APLF: variants seen among roughly 807,000 people sequenced by gnomAD.
APLF encodes the protein aprataxin and PNK-like factor.
In APLF, 61 loss-of-function variants were observed where a neutral mutation model predicts 55.6. That is an observed-to-expected ratio of 1.10 (90% CI 0.89 to 1.36). The LOEUF is 1.36. Among genes scored for constraint, APLF ranks in the 40% most tolerant of loss-of-function variants. The pLI is 0.00. For missense variants in APLF, 611 were observed against 602.5 expected (o/e 1.01, Z -0.15); for synonymous variants, 207 against 214.8 (o/e 0.96, Z 0.32).
At chr2:68,495,296 A>G (rs1676507825) in intron 2 of APLF, among the ~76,000 whole-genome samples, 1 of 152,210 alleles carries the variant, frequency 6.6e-6, no homozygotes, top group South Asian at 2.1e-4. Context: ...ATCAAAAGTT[A>G]TTTACTTCTA....
At chr2:68,482,604 C>T (rs1257351602) in intron 1 of APLF, among the ~76,000 whole-genome samples, 1 of 152,114 alleles carries the variant, frequency 6.6e-6, no homozygotes, top group Non-Finnish European at 1.5e-5. Context: ...GGCTGTTTAT[C>T]AGACTTAGGG....
At chr2:68,564,497 T>C (rs1671245420) in intron 8 of APLF, among the ~76,000 whole-genome samples, 1 of 152,096 alleles carries the variant, frequency 6.6e-6, no homozygotes, top group Non-Finnish European at 1.5e-5. Context: ...TGGCATGTAA[T>C]AAGTATTCTG....
chr2:68,545,513 G>A (rs767065479), intron 8 of APLF, among the ~76,000 whole-genome samples: 1 of 152,040 alleles, frequency 6.6e-6, no homozygotes, highest in Admixed American at 6.5e-5. Flanking sequence ...ACACATCTAC[G>A]AGTGCCTGAA....
rs1242886187 is a variant in APLF, at chr2:68,579,526, G to A, written c.*1504G>A. ...AAGCATTATTCTTAACAGCCAAAAA[G>A]TATAAACACCCAAAGTCTATCAACT... On this transcript the variant is annotated 3_prime_UTR_variant, in exon 10 of 10. Transcript: ENST00000303795. 1.6e-5 allele frequency: 8 copies of A among 487,994 alleles called. No homozygotes were observed. The highest frequency in any genetic ancestry group is 1.5e-4 in the East Asian group (1 of 6,558). The allele number at this position is 487,994 out of a possible 1,614,324, so 30.2% of individuals were successfully genotyped here.
At chr2:68,499,476 A>G (rs952502846) in intron 2 of APLF, among the ~76,000 whole-genome samples, 1 of 152,206 alleles carries the variant, frequency 6.6e-6, no homozygotes, top group Non-Finnish European at 1.5e-5. Context: ...AGGGATTGAA[A>G]AGATTTTTAA....
chr2:68,563,022 A>G (rs1054597389), intron 8 of APLF: 17 of 977,448 alleles, frequency 1.7e-5, no homozygotes, highest in Admixed American at 1.2e-4. Context: ...TGAGCCTGTC[A>G]TAGATACTCT....
chr2:68,490,149 G>A, intron 1 of APLF, 41 bp from the exon 2 acceptor site: 1 of 1,451,650 alleles, frequency 6.9e-7, no homozygotes, highest in Non-Finnish European at 9.3e-7. Context: ...GCTTTTTAAG[G>A]AGGTGGCTAT....
intron 8 of APLF, among the ~76,000 whole-genome samples, chr2:68,559,392 G>T (rs1485330316): frequency 1.3e-5 from 2 of 151,938 alleles, no homozygotes; most frequent in Non-Finnish European, 2.9e-5. Flanking sequence ...TTTCTTAGGC[G>T]AGCTAATTCA....
chr2:68,472,130 A>G (rs915799177), intron 1 of APLF, among the ~76,000 whole-genome samples: 5 of 152,208 alleles, frequency 3.3e-5, no homozygotes, highest in Non-Finnish European at 7.3e-5. Flanking sequence ...GATTGTGGAG[A>G]CGAAGTTTTA....
intron 1 of APLF, among the ~76,000 whole-genome samples, chr2:68,482,094 CT>C (rs36118159): frequency 0.15 from 20,686 of 140,354 alleles, 2,964 homozygotes; most frequent in African/African-American, 0.39. Flanking sequence ...TTATAAATTT[CT>C]TTTTTTTTTT....
At chr2:68,564,855 G>A (rs1340534521) in intron 8 of APLF, among the ~76,000 whole-genome samples, 2 of 152,064 alleles carry the variant, frequency 1.3e-5, no homozygotes, top group African/African-American at 4.8e-5. Flanking sequence ...AGGATTAATT[G>A]TAATTAATCT....
intron 6 of APLF, among the ~76,000 whole-genome samples, chr2:68,533,860 G>A (rs1008387843): frequency 6.6e-6 from 1 of 152,186 alleles, no homozygotes; most frequent in Admixed American, 6.5e-5. Flanking sequence ...GTCTCATAGG[G>A]TGAAGACAGC....
chr2:68,485,201 T>A (rs564542916), intron 1 of APLF, among the ~76,000 whole-genome samples: 28 of 152,072 alleles, frequency 1.8e-4, no homozygotes, highest in South Asian at 1.0e-3. Flanking sequence ...TGCATTTTTT[T>A]AAAAAAAATC....
chr2:68,518,698 T>C (rs1393944395), intron 5 of APLF, among the ~76,000 whole-genome samples: 5 of 124,950 alleles, frequency 4.0e-5, no homozygotes, highest in Admixed American at 1.8e-4. Flanking sequence ...ATCATTAATA[T>C]ATCATGAATA....
At chr2:68,518,482 AATAACAT>A (rs1669736390) in intron 5 of APLF, among the ~76,000 whole-genome samples, 1 of 116,664 alleles carries the variant, frequency 8.6e-6, no homozygotes. Flanking sequence ...AATAATACAT[AATAACAT>A]TAATAATATA....
intron 2 of APLF, among the ~76,000 whole-genome samples, 191 bp downstream of exon 2, chr2:68,490,452 A>G (rs1386637894): frequency 2.0e-5 from 3 of 152,130 alleles, no homozygotes; most frequent in Admixed American, 6.5e-5. Context: ...TCATAGGACA[A>G]TGCCACATTT....
At chr2:68,518,417 TATA>T (rs1278838902) in intron 5 of APLF, among the ~76,000 whole-genome samples, 6 of 112,276 alleles carry the variant, frequency 5.3e-5, no homozygotes, top group African/African-American at 1.5e-4. Flanking sequence ...TTATATATTA[TATA>T]ATAATTTATT....
chr2:68,538,010 C>A lies in APLF; in HGVS notation c.943C>A (p.Pro315Thr). ...ACATAAAATTGCCACTAAAAGAACACCACATAAAGAAGATGAGGCAATGAG... is the reference window on the plus strand; with the variant it reads ...ACATAAAATTGCCACTAAAAGAACAACACATAAAGAAGATGAGGCAATGAG... ...SKHKIATKRT[P>T]HKEDEAMSCS... is the part of the protein sequence containing the mutation. The change falls in exon 7 of 10, where the codon CCA (proline) becomes ACA (threonine). Residue 315 changes from proline (P) to threonine (T), a missense_variant. By Grantham distance (38) the Pro-to-Thr change is conservative. Coordinates refer to ENST00000303795, the MANE Select transcript of APLF (RefSeq NM_173545.3). 2 of 1,614,000 alleles carry A rather than the reference C, an allele frequency of 1.2e-6. No individual in the cohort carries two copies. The highest frequency in any genetic ancestry group is 1.7e-6 in the Non-Finnish European group (2 of 1,179,992).
At position 68,493,750 on chromosome 2, in the gene APLF, G is replaced by A. The variant is rs551968837; in HGVS notation, c.168+3489G>A. Among the ~76,000 whole-genome samples, 7 of 152,258 alleles carry A rather than the reference G, an allele frequency of 4.6e-5. No individual in the cohort carries two copies. In the South Asian group the frequency reaches 8.3e-4, roughly 18 times the overall value. On this transcript the variant is annotated intron_variant, in intron 2 of 9. Coordinates refer to ENST00000303795, the MANE Select transcript of APLF (RefSeq NM_173545.3). ...AGGTGAAGGCGGGCAGATCACTTAA[G>A]GTCAGAAGTTCAAGACCAGCCTGGC...
Sources: gnomAD v4.1 joint callset for allele counts (sites outside exome capture counted in the v4.1 genomes callset) on GRCh38, gnomAD v4.1.1 for gene constraint, MANE v1.5 for transcripts, NCBI Gene and HGNC (gene_info 2026-07-23, HGNC 2026-07-21) for gene names.